CEP250: variants seen among roughly 807,000 people sequenced by gnomAD.
The protein encoded by CEP250 is centrosome-associated protein CEP250.
CEP250 carries 242 observed loss-of-function variants against 315.7 expected under a neutral mutation model. That is an observed-to-expected ratio of 0.77 (90% CI 0.69 to 0.85). The LOEUF (loss-of-function observed/expected upper bound fraction) is 0.85. CEP250 is among the 40% of genes least tolerant of loss of function. CEP250 has a pLI of 0.00. For missense variants in CEP250, 2,515 were observed against 2,886.4 expected, an observed-to-expected ratio of 0.87 and a Z score of 2.95; for synonymous variants, 1,088 against 1,175.0, an observed-to-expected ratio of 0.93 and a Z score of 1.51.
At chr20:35,500,552 A>G (rs1022633318) in intron 28 of CEP250, among the ~76,000 whole-genome samples, 1 of 152,222 alleles carries the variant, frequency 6.6e-6, no homozygotes, top group Admixed American at 6.5e-5. Context: ...TTGAGGGCCA[A>G]GGCTCTCTGT....
chr20:35,462,977 G>T (rs975219795), intron 4 of CEP250, among the ~76,000 whole-genome samples: 3 of 152,048 alleles, frequency 2.0e-5, no homozygotes, highest in Admixed American at 6.5e-5. Context: ...AATTATCCAG[G>T]TTTCTTCAGC....
rs887755016 is a variant in CEP250, at chr20:35,517,113, C to T, written c.*5487C>T. The T allele has an allele frequency of 8.4e-6, 6 of 710,242 alleles. No individual in the cohort carries two copies. In the African/African-American group the frequency reaches 1.2e-4, roughly 14 times the overall value. 44.0% of individuals were successfully genotyped at this position (710,242 alleles called of 1,614,324 possible). ...CCTTCCTCAACCGTCCGCAGAACAC[C>T]TCCTTCCAGCACCTTAGCTCCTGCC... On this transcript the variant is annotated 3_prime_UTR_variant, in exon 35 of 35. Coordinates refer to ENST00000397527, the MANE Select transcript of CEP250 (RefSeq NM_007186.6).
chr20:35,506,686 C>T (rs1485017802), intron 30 of CEP250, among the ~76,000 whole-genome samples: 2 of 152,108 alleles, frequency 1.3e-5, no homozygotes, highest in Non-Finnish European at 2.9e-5. Context: ...CATCTGTGAA[C>T]TCCAAAGTTC....
At chr20:35,474,858 T>C (rs1281730746) in intron 14 of CEP250, 2 of 470,912 alleles carry the variant, frequency 4.2e-6, no homozygotes, top group Admixed American at 4.7e-5. Flanking sequence ...ATATGGTAGG[T>C]CTTTAATAAC....
At chr20:35,502,069 A>C in intron 29 of CEP250, 103 bp downstream of exon 29, 1 of 1,356,806 alleles carries the variant, frequency 7.4e-7, no homozygotes, top group African/African-American at 1.5e-5. Context: ...CAAGTCTGTC[A>C]GTTCCTCTGG....
At position 35,504,546 on chromosome 20, in the gene CEP250, G is replaced by A. The variant is rs112052000; in HGVS notation, c.6177G>A (p.Gln2059=). The change falls in exon 30 of 35, where the codon CAG becomes CAA. Residue 2059 remains glutamine (Q), a synonymous_variant. Coordinates refer to ENST00000397527, the MANE Select transcript of CEP250 (RefSeq NM_007186.6). ...EELRHQQERE[Q]LLEKSLAQRV... ...TGAGACATCAGCAGGAACGGGAGCA[G>A]CTGCTGGAGAAGTCTCTGGCCCAGA... The A allele has an allele frequency of 2.0e-5, 32 of 1,614,096 alleles. 1 individual carries two copies. The highest frequency in any genetic ancestry group is 1.3e-4 in the African/African-American group (10 of 75,060).
intron 14 of CEP250, among the ~76,000 whole-genome samples, chr20:35,474,625 G>A (rs1288840937): frequency 6.6e-6 from 1 of 152,170 alleles, no homozygotes; most frequent in Non-Finnish European, 1.5e-5. Context: ...TGTGCTAGCT[G>A]GTCAAGAAAG....
In CEP250 at chr20:35,494,539, T is replaced by C; in HGVS notation, c.3049T>C (p.Ser1017Pro). Residue 1017 changes from serine (S) to proline (P), a missense_variant, in exon 24 of 35, where the codon TCT (serine) becomes CCT (proline). Coordinates refer to ENST00000397527, the MANE Select transcript of CEP250 (RefSeq NM_007186.6). The part of the protein sequence containing the change: ...DLQKQVEDLK[S>P]QLVAQDDSQR... The stretch of plus-strand genomic sequence containing the variant: ...AATTTTCCAGGTGGAGGACTTGAAG[T>C]CTCAGCTGGTGGCCCAGGATGACTC... 2 of 1,613,894 alleles carry C rather than the reference T, an allele frequency of 1.2e-6. No homozygotes were observed. The highest frequency in any genetic ancestry group is 1.7e-4 in the Middle Eastern group (1 of 5,912).
chr20:35,481,413 T>C (rs1173511835), intron 20 of CEP250, among the ~76,000 whole-genome samples: 3 of 152,132 alleles, frequency 2.0e-5, no homozygotes, highest in Non-Finnish European at 4.4e-5. Context: ...TGAGACCCTG[T>C]CTCAAAAGCA....
chr20:35,517,062 A>G lies in CEP250; in HGVS notation c.*5436A>G, dbSNP rs1349435247. 2.0e-6 allele frequency: 2 copies of G among 981,846 alleles called. No homozygotes were observed. Among genetic ancestry groups the G allele is most frequent in the African/African-American group, 3.5e-5 (2 of 57,164 alleles). 60.8% of individuals were successfully genotyped at this position (981,846 alleles called of 1,614,324 possible). A position where few individuals can be genotyped will look rare whatever the true frequency, so the allele number is the denominator to read the frequency against. On this transcript the variant is annotated 3_prime_UTR_variant, in exon 35 of 35. Coordinates refer to ENST00000397527, the MANE Select transcript of CEP250 (RefSeq NM_007186.6). The stretch of plus-strand genomic sequence containing the variant: ...GGGAAGCCATGGTCACAGACTCTAC[A>G]TTCCCCTCTCCTGTTGGCCTCCATC...
At position 35,504,793 on chromosome 20, in the gene CEP250, G is replaced by T. The variant is rs762357541; in HGVS notation, c.6424G>T (p.Asp2142Tyr). Reference protein sequence around the residue: ...SPMEEQSLKLDSLEPRLQREL... With the variant: ...SPMEEQSLKLYSLEPRLQREL... The stretch of plus-strand genomic sequence containing the variant: ...AATGGAGGAACAATCTCTAAAACTT[G>T]ATTCTTTAGAGCCCAGGCTGCAGCG... The change falls in exon 30 of 35, where the codon GAT becomes TAT. Residue 2142 changes from aspartate to tyrosine, a missense_variant. Asp to Tyr is a radical substitution (Grantham distance 160). Coordinates refer to ENST00000397527, the MANE Select transcript of CEP250 (RefSeq NM_007186.6). The T allele has an allele frequency of 2.8e-5, 45 of 1,614,190 alleles. 2 individuals are homozygous for T. In the South Asian group the frequency reaches 4.9e-4, roughly 18 times the overall value.
intron 21 of CEP250, 45 bp from the exon 22 acceptor site, chr20:35,491,167 G>T: frequency 6.3e-7 from 1 of 1,599,776 alleles, no homozygotes. Context: ...TGGTGAGCAT[G>T]GTAATCCTGA....
chr20:35,504,571 A>G lies in CEP250; in HGVS notation c.6202A>G (p.Arg2068Gly). ...EQLLEKSLAQ[R>G]VQENMIQEKQ... ...GCTGCTGGAGAAGTCTCTGGCCCAG[A>G]GGGTCCAAGAGAATATGATCCAAGA... The change falls in exon 30 of 35, where the codon AGG (arginine) becomes GGG (glycine). Residue 2068 changes from arginine to glycine, a missense_variant. Physicochemically the swap from Arg to Gly is moderately radical, Grantham distance 125 (BLOSUM62 -2). Transcript: ENST00000397527. 6.2e-7 allele frequency: 1 copy of G among 1,614,188 alleles called. No homozygotes were observed. The highest frequency in any genetic ancestry group is 1.1e-5 in the South Asian group (1 of 91,088).
rs574394497 is a variant in CEP250 at position 35,486,978 on chromosome 20, A to G, written c.2587-3659A>G. Among the ~76,000 whole-genome samples the G allele has an allele frequency of 8.5e-5, 13 of 152,332 alleles. No homozygotes were observed. In the South Asian group the frequency reaches 2.5e-3, roughly 29 times the overall value. ...CTTGGTTTCCCTAAAAGGATTGACT[A>G]TAGTGGCCATATCTGGGTCATGAAA... is the stretch of plus-strand genomic sequence containing the variant. On this transcript the variant is annotated intron_variant, in intron 20 of 34. Coordinates refer to ENST00000397527, the MANE Select transcript of CEP250 (RefSeq NM_007186.6).
Position 35,502,710 on chromosome 20 carries a change from G to T in CEP250, c.4341G>T (p.Leu1447=). The T allele has an allele frequency of 6.2e-7, 1 of 1,614,274 alleles. No homozygotes were observed. Among genetic ancestry groups the T allele is most frequent in the Middle Eastern group, 1.6e-4 (1 of 6,062 alleles). ...VETLRGQIQE[L]EKQREMQKAA... The stretch of plus-strand genomic sequence containing the variant: ...CTCTGCGGGGACAAATCCAGGAACT[G>T]GAGAAGCAACGGGAAATGCAGAAGG... Residue 1447 remains leucine, a synonymous_variant, in exon 30 of 35, where the codon CTG becomes CTT. Transcript: ENST00000397527.
intron 24 of CEP250, among the ~76,000 whole-genome samples, chr20:35,495,368 G>A (rs191743834): frequency 6.8e-4 from 103 of 152,306 alleles, no homozygotes; most frequent in Admixed American, 1.8e-3. Context: ...TCCAACTTAT[G>A]ATGTATTTGA....
At chr20:35,484,298 C>G (rs2063443535) in intron 20 of CEP250, among the ~76,000 whole-genome samples, 5 of 151,984 alleles carry the variant, frequency 3.3e-5, no homozygotes, top group East Asian at 1.9e-4. Context: ...GTGCTTCTGT[C>G]AGGAAGCTGG....
intron 34 of CEP250, among the ~76,000 whole-genome samples, chr20:35,510,896 G>A (rs1021468472): frequency 6.6e-6 from 1 of 152,054 alleles, no homozygotes; most frequent in African/African-American, 2.4e-5. Flanking sequence ...TCAGGAGGCT[G>A]ACACACAGGA....
In CEP250 at chr20:35,477,978, G is replaced by C; in HGVS notation, c.1971G>C (p.Leu657=). 2 of 1,613,766 alleles carry C rather than the reference G, an allele frequency of 1.2e-6. No homozygotes were observed. The highest frequency in any genetic ancestry group is 1.7e-6 in the Non-Finnish European group (2 of 1,179,886). ...LAEAEKRREA[L]WEKNTHLEAQ... ...AGGCAGAGAAGAGGAGGGAAGCCCT[G>C]TGGGAAAAGAACACTCACCTGGAGG... is the stretch of plus-strand genomic sequence containing the variant. The change falls in exon 17 of 35, where the codon CTG becomes CTC. Residue 657 remains leucine, a synonymous_variant. Transcript: ENST00000397527.
Sources: gnomAD v4.1 joint callset for allele counts (sites outside exome capture counted in the v4.1 genomes callset) on GRCh38, gnomAD v4.1.1 for gene constraint, MANE v1.5 for transcripts, NCBI Gene and HGNC (gene_info 2026-07-23, HGNC 2026-07-21) for gene names.